Variants in MLLT10 observed in about 807,000 individuals in gnomAD.
MLLT10 encodes the protein protein AF-10.
A neutral mutation model predicts 129.1 loss-of-function variants in MLLT10; 30 were observed. The ratio of observed to expected loss-of-function variants is 0.23; its 90% CI spans 0.17 to 0.32. MLLT10 has a LOEUF of 0.32. MLLT10 is among the 10% of genes least tolerant of loss of function. The pLI, the probability that MLLT10 is intolerant of heterozygous loss-of-function variation, is 1.00. For synonymous variants in MLLT10, 490 were observed against 446.4 expected (o/e 1.10, Z -1.23); for missense variants, 1,119 against 1,268.3 (o/e 0.88, Z 1.79).
chr10:21,738,680 A>G, intron 21 of MLLT10: 1 of 541,882 alleles, frequency 1.8e-6, no homozygotes, highest in Non-Finnish European at 2.4e-6. Context: ...CTTCATCTTA[A>G]CGTCACCTGG....
intron 8 of MLLT10, among the ~76,000 whole-genome samples, chr10:21,641,345 A>G (rs898323090): frequency 1.3e-5 from 2 of 152,250 alleles, no homozygotes; most frequent in Non-Finnish European, 2.9e-5. Flanking sequence ...GATTTTTTCT[A>G]TGCATAGAGA....
intron 13 of MLLT10, among the ~76,000 whole-genome samples, chr10:21,693,884 TTTA>T (rs1318622591): frequency 2.0e-5 from 3 of 152,214 alleles, no homozygotes; most frequent in African/African-American, 7.2e-5. Flanking sequence ...CTGTGTTTAA[TTTA>T]TTGTTTTATT....
chr10:21,670,423 C>T lies in MLLT10; in HGVS notation c.796-26C>T, dbSNP rs1280396593. On this transcript the variant is annotated intron_variant, in intron 9 of 22. Transcript: ENST00000307729. ...ACTAAAATGTAATCAACTCTTTTTCCTTCCCTTTTTGAATCAAAATGTTAG... is the reference window on the plus strand; with the variant it reads ...ACTAAAATGTAATCAACTCTTTTTCTTTCCCTTTTTGAATCAAAATGTTAG... 5.7e-6 allele frequency: 9 copies of T among 1,572,950 alleles called. No individual in the cohort carries two copies. The Admixed American group carries it at 1.2e-4, about 20-fold the overall frequency.
At chr10:21,634,058 G>A (rs1211628061) in intron 8 of MLLT10, among the ~76,000 whole-genome samples, 3 of 152,076 alleles carry the variant, frequency 2.0e-5, no homozygotes, top group Non-Finnish European at 2.9e-5. Context: ...TGGCCAATAT[G>A]GTGAAATCCA....
intron 8 of MLLT10, among the ~76,000 whole-genome samples, chr10:21,632,748 A>G (rs185271604): frequency 1.3e-5 from 2 of 152,226 alleles, no homozygotes; most frequent in African/African-American, 4.8e-5. Flanking sequence ...ATGTAGCTAT[A>G]AGCAGTGAGA....
At chr10:21,552,096 T>C (rs1464441586) in intron 3 of MLLT10, among the ~76,000 whole-genome samples, 1 of 152,140 alleles carries the variant, frequency 6.6e-6, no homozygotes, top group Non-Finnish European at 1.5e-5. Flanking sequence ...CTGTGTAATT[T>C]CTACATTTTT....
rs763667849 is a variant in MLLT10 at position 21,742,008 on chromosome 10, C to CTAG, written c.*25_*26insTAG. On this transcript the variant is annotated 3_prime_UTR_variant, in exon 23 of 23. Transcript: ENST00000307729. ...ACACCTGAGAAACATCTAGAAATTGCCTATCCTGCTGTTCTAGCACTTCAT... is the reference window on the plus strand; with the variant it reads ...ACACCTGAGAAACATCTAGAAATTGCTAGCTATCCTGCTGTTCTAGCACTTCAT... 114 of 1,610,012 alleles carry CTAG rather than the reference C, an allele frequency of 7.1e-5. No individual in the cohort carries two copies. The African/African-American group carries it at 1.4e-3, about 20-fold the overall frequency.
intron 5 of MLLT10, among the ~76,000 whole-genome samples, chr10:21,607,646 C>G (rs1462482292): frequency 2.0e-5 from 3 of 152,084 alleles, no homozygotes; most frequent in Non-Finnish European, 4.4e-5. Context: ...ATAGCTTTGT[C>G]CTAATCCTGT....
At chr10:21,731,131 C>G (rs2057935098) in intron 17 of MLLT10, 77 bp downstream of exon 17, 1 of 1,314,098 alleles carries the variant, frequency 7.6e-7, no homozygotes, top group Admixed American at 2.2e-5. Flanking sequence ...GCAGAAGTCA[C>G]TTTTCATCCA....
chr10:21,657,548 A>G (rs967206933), intron 9 of MLLT10, among the ~76,000 whole-genome samples: 2 of 152,164 alleles, frequency 1.3e-5, no homozygotes, highest in Non-Finnish European at 2.9e-5. Context: ...ACAGCTTGTT[A>G]AAAGCAATCT....
At chr10:21,729,587 AAC>A (rs1414516634) in intron 16 of MLLT10, among the ~76,000 whole-genome samples, 1 of 152,190 alleles carries the variant, frequency 6.6e-6, no homozygotes, top group African/African-American at 2.4e-5. Context: ...CAGTGTCAAG[AAC>A]ACTAGTGGGT....
intron 13 of MLLT10, among the ~76,000 whole-genome samples, chr10:21,709,847 C>T (rs960352105): frequency 4.6e-5 from 7 of 152,090 alleles, no homozygotes; most frequent in Non-Finnish European, 2.9e-5. Flanking sequence ...AAGCAGTTCT[C>T]CCACCTCAGC....
chr10:21,698,680 C>T (rs2054599248), intron 13 of MLLT10, among the ~76,000 whole-genome samples: 1 of 152,184 alleles, frequency 6.6e-6, no homozygotes, highest in African/African-American at 2.4e-5. Flanking sequence ...ACTAATTTTA[C>T]ATTCCTACCA....
At chr10:21,649,876 A>C (rs1329243808) in intron 8 of MLLT10, among the ~76,000 whole-genome samples, 2 of 152,232 alleles carry the variant, frequency 1.3e-5, no homozygotes, top group Non-Finnish European at 2.9e-5. Context: ...AGGATGTCTT[A>C]GGATGAGAAG....
At chr10:21,679,156 C>T (rs1441523579) in intron 11 of MLLT10, among the ~76,000 whole-genome samples, 2 of 152,050 alleles carry the variant, frequency 1.3e-5, no homozygotes, top group African/African-American at 4.8e-5. Context: ...TGATAAATGG[C>T]CTGTTTTATA....
At chr10:21,565,518 A>C (rs2039436962) in intron 3 of MLLT10, among the ~76,000 whole-genome samples, 1 of 151,606 alleles carries the variant, frequency 6.6e-6, no homozygotes, top group African/African-American at 2.4e-5. Context: ...TGTGTTGACC[A>C]AGCTGGTCTC....
chr10:21,740,856 C>CAATT (rs1245227714), intron 22 of MLLT10, among the ~76,000 whole-genome samples: 1 of 152,180 alleles, frequency 6.6e-6, no homozygotes, highest in Non-Finnish European at 1.5e-5. Context: ...TTCTCCCCTT[C>CAATT]AATTAGGTCT....
chr10:21,618,539 G>A (rs1199761278), intron 8 of MLLT10, among the ~76,000 whole-genome samples: 1 of 152,084 alleles, frequency 6.6e-6, no homozygotes, highest in African/African-American at 2.4e-5. Flanking sequence ...TTGAGTTAGT[G>A]CTTTTTCAAG....
chr10:21,654,315 G>C (rs962391322), intron 9 of MLLT10, among the ~76,000 whole-genome samples: 1 of 152,044 alleles, frequency 6.6e-6, no homozygotes, highest in Admixed American at 6.6e-5. Flanking sequence ...AGGATGTTAG[G>C]TACACTAATA....
Sources: allele counts gnomAD v4.1 joint callset (sites outside exome capture counted in the v4.1 genomes callset), GRCh38; gene constraint gnomAD v4.1.1; transcripts MANE v1.5; gene names NCBI Gene and HGNC (gene_info 2026-07-23, HGNC 2026-07-21).